Variants in EPM2A observed in about 807,000 individuals in gnomAD.
EPM2A encodes EPM2A glucan phosphatase, laforin.
A neutral mutation model predicts 26.5 loss-of-function variants in EPM2A; 21 were observed. That is an observed-to-expected ratio of 0.79 (90% CI 0.56 to 1.14). EPM2A has a LOEUF of 1.14. Ranked by LOEUF, EPM2A falls within the 50% of genes most tolerant of loss-of-function variation. EPM2A has a pLI of 0.00. For missense variants in EPM2A, 458 were observed against 440.8 expected (o/e 1.04, Z -0.35); for synonymous variants, 217 against 177.6 (o/e 1.22, Z -1.76).
chr6:145,589,782 T>C (rs1435094094), intron 2 of EPM2A, among the ~76,000 whole-genome samples: 2 of 150,728 alleles, frequency 1.3e-5, no homozygotes, highest in African/African-American at 4.9e-5. Flanking sequence ...GGAGAGTGGA[T>C]AGCAAAGTGG....
At chr6:145,557,922 GT>G (rs1193116246) in intron 2 of EPM2A, among the ~76,000 whole-genome samples, 1 of 152,010 alleles carries the variant, frequency 6.6e-6, no homozygotes, top group Admixed American at 6.6e-5. Flanking sequence ...ACCAGCAGAG[GT>G]TTTATTCCTT....
intron 4 of EPM2A, among the ~76,000 whole-genome samples, chr6:145,466,497 G>A (rs925025331): frequency 1.1e-4 from 16 of 152,162 alleles, no homozygotes; most frequent in Non-Finnish European, 1.5e-4. Flanking sequence ...GAAACAACAG[G>A]TGCTGGAGAG....
At chr6:145,475,947 G>A (rs947015459) in intron 4 of EPM2A, among the ~76,000 whole-genome samples, 1 of 151,984 alleles carries the variant, frequency 6.6e-6, no homozygotes, top group Admixed American at 6.6e-5. Flanking sequence ...AATATTAAAT[G>A]TAAATGGACT....
intron 4 of EPM2A, among the ~76,000 whole-genome samples, chr6:145,472,136 A>G (rs1157681743): frequency 6.6e-6 from 1 of 151,576 alleles, no homozygotes; most frequent in Non-Finnish European, 1.5e-5. Context: ...TACCTCACAG[A>G]TGACATTTCT....
downstream of EPM2A, among the ~76,000 whole-genome samples, chr6:145,623,656 G>A (rs73568383): frequency 0.074 from 11,277 of 152,168 alleles, 1,407 homozygotes; most frequent in African/African-American, 0.25. Context: ...GAGTGACAAG[G>A]CCTGAGTTAC....
chr6:145,580,368 T>A (rs1781095591), intron 2 of EPM2A, among the ~76,000 whole-genome samples: 1 of 152,190 alleles, frequency 6.6e-6, no homozygotes, highest in Non-Finnish European at 1.5e-5. Context: ...ACTGTAACCT[T>A]GAATAACACT....
At chr6:145,689,955 C>A (rs1393749274) in intron 1 of EPM2A, among the ~76,000 whole-genome samples, 3 of 152,154 alleles carry the variant, frequency 2.0e-5, no homozygotes, top group African/African-American at 7.2e-5. Flanking sequence ...AGTGGAAAGT[C>A]AAGATTTCCA....
At chr6:145,644,927 A>G (rs1241307649) in intron 2 of EPM2A, among the ~76,000 whole-genome samples, 1 of 152,186 alleles carries the variant, frequency 6.6e-6, no homozygotes, top group Non-Finnish European at 1.5e-5. Flanking sequence ...TTACTTTATT[A>G]CTAAGTAGGA....
At chr6:145,523,567 C>T (rs1440926913) in intron 2 of EPM2A, among the ~76,000 whole-genome samples, 2 of 152,104 alleles carry the variant, frequency 1.3e-5, no homozygotes, top group African/African-American at 4.8e-5. Flanking sequence ...GAACCATACC[C>T]ATATAAATAA....
intron 1 of EPM2A, among the ~76,000 whole-genome samples, chr6:145,722,133 A>T (rs77633523): frequency 0.01 from 1,543 of 152,316 alleles, 21 homozygotes; most frequent in African/African-American, 0.035. Flanking sequence ...ATACACCTGG[A>T]TTATTTTAGT....
At chr6:145,651,263 A>G (rs571253562) in intron 2 of EPM2A, among the ~76,000 whole-genome samples, 6 of 152,332 alleles carry the variant, frequency 3.9e-5, no homozygotes, top group African/African-American at 1.4e-4. Flanking sequence ...AAGCCATACA[A>G]TTTGTCTTGA....
intron 1 of EPM2A, among the ~76,000 whole-genome samples, chr6:145,719,130 C>G (rs1390034323): frequency 6.6e-6 from 1 of 151,748 alleles, no homozygotes; most frequent in Non-Finnish European, 1.5e-5. Context: ...GGGTATATAC[C>G]CAAAGGATTA....
chr6:145,399,156 T>C (rs1458514145), intron 4 of EPM2A, among the ~76,000 whole-genome samples: 1 of 152,154 alleles, frequency 6.6e-6, no homozygotes, highest in African/African-American at 2.4e-5. Flanking sequence ...GTCATGTAAA[T>C]GGATTTTAAA....
intron 4 of EPM2A, among the ~76,000 whole-genome samples, chr6:145,435,346 C>A (rs1778975752): frequency 6.6e-6 from 1 of 150,908 alleles, no homozygotes. Flanking sequence ...CAAAGTGATT[C>A]TTCTAGCAAA....
chr6:145,635,157 T>C (rs549358066), intron 3 of EPM2A, 88 bp downstream of exon 3: 627 of 1,450,268 alleles, frequency 4.3e-4, no homozygotes, highest in Non-Finnish European at 5.6e-4. Context: ...TACCATTCAT[T>C]TTTAAGATAT....
chr6:145,596,955 C>T (rs996108382), intron 2 of EPM2A, among the ~76,000 whole-genome samples: 2 of 84,418 alleles, frequency 2.4e-5, no homozygotes, highest in East Asian at 3.2e-4. Context: ...ACTGCAGTGG[C>T]GCAATCTCGG....
At position 145,490,062 on chromosome 6, in the gene EPM2A, G is replaced by A. The variant is rs1779734801; in HGVS notation, c.555+12460C>T. ...ACAGTCACTTGTGCTGAATCCACCT[G>A]GACCTGAAGCAATGGTAGCACACGC... On this transcript the variant is annotated intron_variant, in intron 4 of 4. Coordinates refer to the EPM2A transcript ENST00000638717. 2.3e-6 allele frequency: 3 copies of A among 1,289,226 alleles called. No individual in the cohort carries two copies. In the African/African-American group the frequency reaches 4.5e-5, roughly 19 times the overall value. The allele number at this position is 1,289,226 out of a possible 1,614,324, so 79.9% of individuals were successfully genotyped here. A position where few individuals can be genotyped will look rare whatever the true frequency, so the allele number is the denominator to read the frequency against.
intron 2 of EPM2A, among the ~76,000 whole-genome samples, chr6:145,536,683 G>A (rs1409586194): frequency 3.9e-5 from 6 of 152,148 alleles, no homozygotes; most frequent in African/African-American, 1.2e-4. Flanking sequence ...CAACCTTGGT[G>A]GTCACTGAGC....
chr6:145,694,169 T>A (rs1203573559), intron 1 of EPM2A, among the ~76,000 whole-genome samples: 2 of 152,030 alleles, frequency 1.3e-5, no homozygotes, highest in African/African-American at 4.8e-5. Flanking sequence ...GGATTTTAAT[T>A]ATTTTAAATG....
Sources: allele counts gnomAD v4.1 joint callset (sites outside exome capture counted in the v4.1 genomes callset), GRCh38; gene constraint gnomAD v4.1.1; transcripts MANE v1.5; gene names NCBI Gene and HGNC (gene_info 2026-07-23, HGNC 2026-07-21).